Variants in EHBP1 observed in about 807,000 individuals in gnomAD.
EHBP1 encodes EH domain binding protein 1.
A neutral mutation model predicts 144.0 loss-of-function variants in EHBP1; 55 were observed. The observed-to-expected ratio is 0.38, with a 90% CI of 0.31 to 0.48. The LOEUF (loss-of-function observed/expected upper bound fraction) is 0.48, where lower values mean the gene tolerates loss of function less well. EHBP1 is among the 20% of genes least tolerant of loss of function. EHBP1 has a pLI of 0.98. For missense variants in EHBP1, 1,200 were observed against 1,364.2 expected (o/e 0.88, Z 1.90); for synonymous variants, 469 against 472.7 (o/e 0.99, Z 0.10).
At chr2:62,895,579 C>G (rs2052846786) in intron 10 of EHBP1, among the ~76,000 whole-genome samples, 1 of 152,174 alleles carries the variant, frequency 6.6e-6, no homozygotes, top group Admixed American at 6.5e-5. Context: ...CCTTGTATAC[C>G]AGTGGATACT....
At chr2:62,981,690 G>A (rs2058979252) in intron 15 of EHBP1, among the ~76,000 whole-genome samples, 1 of 152,202 alleles carries the variant, frequency 6.6e-6, no homozygotes, top group Non-Finnish European at 1.5e-5. Context: ...ATGAGGGACA[G>A]TAAAGATCTG....
At chr2:62,934,902 T>A (rs145890936) in intron 10 of EHBP1, among the ~76,000 whole-genome samples, 1 of 152,182 alleles carries the variant, frequency 6.6e-6, no homozygotes, top group Non-Finnish European at 1.5e-5. Flanking sequence ...GGAATTCATG[T>A]TAGGAGAAGG....
At chr2:62,991,766 C>T (rs1400451024) in intron 16 of EHBP1, among the ~76,000 whole-genome samples, 2 of 152,174 alleles carry the variant, frequency 1.3e-5, no homozygotes, top group South Asian at 2.1e-4. Context: ...CACCCACCTG[C>T]GGACTATGGG....
chr2:62,797,997 T>A (rs2043664752), intron 5 of EHBP1, among the ~76,000 whole-genome samples: 1 of 152,206 alleles, frequency 6.6e-6, no homozygotes, highest in African/African-American at 2.4e-5. Flanking sequence ...GATCATTTTT[T>A]AAAATAAGGC....
chr2:62,764,314 G>T lies in EHBP1; in HGVS notation c.211G>T (p.Val71Leu). The change falls in exon 4 of 23, where the codon GTG becomes TTG. Residue 71 changes from valine to leucine, a missense_variant. By Grantham distance (32) the Val-to-Leu change is conservative. Coordinates refer to ENST00000431489, the MANE Select transcript of EHBP1 (RefSeq NM_001142616.3). Reference sequence around the variant, plus strand: ...AAAAAATCCCTATCGTGGTGTTGTTGTGTGGCCTGTTCCTGAAAACATTGA... The same window carrying T: ...AAAAAATCCCTATCGTGGTGTTGTTTTGTGGCCTGTTCCTGAAAACATTGA... ...GIKNPYRGVV[V>L]WPVPENIEIT... 1 of 1,584,460 alleles carries T rather than the reference G, an allele frequency of 6.3e-7. No individual in the cohort carries two copies. Among genetic ancestry groups the T allele is most frequent in the Non-Finnish European group, 8.6e-7 (1 of 1,167,444 alleles).
chr2:62,896,013 C>T (rs890943126), intron 10 of EHBP1, among the ~76,000 whole-genome samples: 2 of 152,082 alleles, frequency 1.3e-5, no homozygotes, highest in African/African-American at 4.8e-5. Context: ...ATTGAGCACT[C>T]AGTGTGCCAA....
chr2:63,005,902 T>G (rs1007901899), intron 19 of EHBP1, among the ~76,000 whole-genome samples: 8 of 151,984 alleles, frequency 5.3e-5, no homozygotes, highest in African/African-American at 1.9e-4. Flanking sequence ...CCTAAAATAC[T>G]TGGTAACATA....
intron 10 of EHBP1, among the ~76,000 whole-genome samples, chr2:62,929,121 A>G (rs2055771430): frequency 6.6e-6 from 1 of 152,192 alleles, no homozygotes; most frequent in Non-Finnish European, 1.5e-5. Flanking sequence ...AAAGCTCTGA[A>G]CCTAATGGCT....
chr2:62,943,975 C>A, intron 12 of EHBP1, 125 bp downstream of exon 12: 2 of 596,250 alleles, frequency 3.4e-6, no homozygotes, highest in Non-Finnish European at 2.9e-6. Context: ...GGGTTGTCTG[C>A]TTACTGCGGT....
At chr2:62,991,444 G>A (rs949121186) in intron 16 of EHBP1, among the ~76,000 whole-genome samples, 1 of 151,992 alleles carries the variant, frequency 6.6e-6, no homozygotes, top group African/African-American at 2.4e-5. Flanking sequence ...GACAAATACT[G>A]TTAAGAGAAT....
chr2:62,864,050 T>G (rs1212916076), intron 8 of EHBP1, among the ~76,000 whole-genome samples: 1 of 152,010 alleles, frequency 6.6e-6, no homozygotes, highest in African/African-American at 2.4e-5. Context: ...TTTCACCATG[T>G]TGGCCAGGCT....
At chr2:62,937,659 C>T (rs552729543) in intron 10 of EHBP1, among the ~76,000 whole-genome samples, 101 of 152,216 alleles carry the variant, frequency 6.6e-4, no homozygotes, top group African/African-American at 2.2e-3. Flanking sequence ...AGTGGAATTG[C>T]AGCAGTTGTG....
intron 5 of EHBP1, among the ~76,000 whole-genome samples, chr2:62,779,367 A>G (rs957228402): frequency 5.3e-5 from 8 of 152,200 alleles, no homozygotes; most frequent in African/African-American, 1.2e-4. Flanking sequence ...ATTTATATAT[A>G]CAGTAAACTT....
chr2:62,717,084 A>AT (rs1441235995), intron 2 of EHBP1, among the ~76,000 whole-genome samples: 5 of 151,880 alleles, frequency 3.3e-5, no homozygotes, highest in African/African-American at 1.2e-4. Flanking sequence ...TTACTTAAAA[A>AT]TTTTTTTCCT....
chr2:62,715,929 G>A (rs938454464), intron 2 of EHBP1, among the ~76,000 whole-genome samples: 2 of 152,128 alleles, frequency 1.3e-5, no homozygotes, highest in African/African-American at 4.8e-5. Flanking sequence ...TACATGTTAT[G>A]CTTAATTAAC....
At chr2:62,759,934 T>C (rs1450212209) in intron 3 of EHBP1, among the ~76,000 whole-genome samples, 1 of 152,128 alleles carries the variant, frequency 6.6e-6, no homozygotes, top group East Asian at 1.9e-4. Context: ...ATGTCCTTGG[T>C]TTCTTCTCTG....
At chr2:63,032,712 T>C (rs1296708843) in intron 19 of EHBP1, among the ~76,000 whole-genome samples, 2 of 152,114 alleles carry the variant, frequency 1.3e-5, no homozygotes, top group African/African-American at 4.8e-5. Flanking sequence ...TTTGGTGAAG[T>C]TGTCTGTGCC....
chr2:63,036,432 G>T (rs1219965006), intron 19 of EHBP1, among the ~76,000 whole-genome samples: 1 of 151,850 alleles, frequency 6.6e-6, no homozygotes, highest in East Asian at 1.9e-4. Flanking sequence ...GTGTGGGGTT[G>T]GTGGAAGAGG....
chr2:62,771,442 T>A, intron 5 of EHBP1, 50 bp downstream of exon 5: 1 of 1,420,472 alleles, frequency 7.0e-7, no homozygotes, highest in Non-Finnish European at 9.6e-7. Flanking sequence ...ACTTTATATA[T>A]GCATTATTAA....
Sources: gnomAD v4.1 joint callset for allele counts (sites outside exome capture counted in the v4.1 genomes callset) on GRCh38, gnomAD v4.1.1 for gene constraint, MANE v1.5 for transcripts, NCBI Gene and HGNC (gene_info 2026-07-23, HGNC 2026-07-21) for gene names.